CHSY3: variants seen among roughly 807,000 people sequenced by gnomAD.
CHSY3 encodes N-acetylgalactosaminyl-proteoglycan 3-beta-glucuronosyltransferase 3.
CHSY3 carries 35 observed loss-of-function variants against 67.2 expected under a neutral mutation model. The ratio of observed to expected loss-of-function variants is 0.52; its 90% confidence interval spans 0.40 to 0.69. The LOEUF is 0.69. CHSY3 is among the 30% of genes least tolerant of loss of function. The pLI is 0.00. For synonymous variants in CHSY3, 474 were observed against 434.7 expected, an observed-to-expected ratio of 1.09 and a Z score of -1.12; for missense variants, 1,069 against 1,138.5, an observed-to-expected ratio of 0.94 and a Z score of 0.88.
intron 2 of CHSY3, among the ~76,000 whole-genome samples, chr5:130,097,208 G>A (rs1267513747): frequency 6.6e-6 from 1 of 152,198 alleles, no homozygotes; most frequent in African/African-American, 2.4e-5. Flanking sequence ...GGGCCCCTAG[G>A]TAACCCACTG....
chr5:130,004,717 C>T (rs1202044164), intron 2 of CHSY3, among the ~76,000 whole-genome samples: 1 of 151,910 alleles, frequency 6.6e-6, no homozygotes, highest in East Asian at 1.9e-4. Context: ...CAAATGTTCA[C>T]AAGTGAATGA....
chr5:130,129,694 C>G (rs1001156454), intron 2 of CHSY3, among the ~76,000 whole-genome samples: 16 of 151,914 alleles, frequency 1.1e-4, no homozygotes, highest in Non-Finnish European at 5.9e-5. Flanking sequence ...AACAATGGAC[C>G]ATCTCTCAGA....
intron 2 of CHSY3, among the ~76,000 whole-genome samples, chr5:129,911,801 A>C (rs32230): frequency 0.18 from 27,950 of 152,174 alleles, 3,286 homozygotes; most frequent in East Asian, 0.31. Context: ...TCATGCCTGT[A>C]ATCCCAGCAC....
chr5:130,112,938 T>C (rs1767634193), intron 2 of CHSY3, among the ~76,000 whole-genome samples: 1 of 152,106 alleles, frequency 6.6e-6, no homozygotes, highest in Non-Finnish European at 1.5e-5. Context: ...TGATTAACAA[T>C]ATAATGCAGA....
chr5:130,069,566 G>C (rs1379325295), intron 2 of CHSY3, among the ~76,000 whole-genome samples: 1 of 151,820 alleles, frequency 6.6e-6, no homozygotes, highest in African/African-American at 2.4e-5. Context: ...TTTTTGACAT[G>C]CCATGGCCTA....
Position 129,905,038 on chromosome 5 carries a change from C to T in CHSY3, c.209C>T (p.Pro70Leu). 6.4e-7 allele frequency: 1 copy of T among 1,556,556 alleles called. No homozygotes were observed. Among genetic ancestry groups the T allele is most frequent in the South Asian group, 1.2e-5 (1 of 85,262 alleles). Residue 70 changes from proline to leucine, a missense_variant, in exon 1 of 3, where the codon CCA becomes CTA. Coordinates refer to ENST00000305031, the MANE Select transcript of CHSY3 (RefSeq NM_175856.5). ...CCGCTCCCCCAGCCCCAGTCCCGAC[C>T]ACGGCAGGAGCAGTCGCCGCCCCCC... Reference protein sequence around the residue: ...QQPLPQPQSRPRQEQSPPPAR... With the variant: ...QQPLPQPQSRLRQEQSPPPAR...
intron 2 of CHSY3, among the ~76,000 whole-genome samples, chr5:130,086,640 A>T (rs1165431955): frequency 6.6e-6 from 1 of 152,138 alleles, no homozygotes; most frequent in African/African-American, 2.4e-5. Flanking sequence ...ATTCCTCGAC[A>T]CATACACCCT....
intron 2 of CHSY3, among the ~76,000 whole-genome samples, chr5:129,919,983 G>A (rs958056991): frequency 6.6e-6 from 1 of 152,080 alleles, no homozygotes; most frequent in African/African-American, 2.4e-5. Flanking sequence ...TCTTAGTTAT[G>A]TTGAAATGTA....
chr5:130,103,604 C>T (rs1296899931), intron 2 of CHSY3, among the ~76,000 whole-genome samples: 1 of 151,834 alleles, frequency 6.6e-6, no homozygotes, highest in East Asian at 1.9e-4. Context: ...TCACTGTTGG[C>T]AGAAAAATAT....
intron 2 of CHSY3, among the ~76,000 whole-genome samples, chr5:129,926,671 T>C (rs1468123433): frequency 6.6e-6 from 1 of 151,928 alleles, no homozygotes; most frequent in Non-Finnish European, 1.5e-5. Context: ...TTAGCAAGAA[T>C]GTCTTCTGAC....
At chr5:130,065,524 C>G (rs1043210258) in intron 2 of CHSY3, among the ~76,000 whole-genome samples, 3 of 151,874 alleles carry the variant, frequency 2.0e-5, no homozygotes, top group Non-Finnish European at 2.9e-5. Context: ...TCTATGTGAC[C>G]CTTTCTATTC....
intron 2 of CHSY3, among the ~76,000 whole-genome samples, chr5:130,081,755 C>T (rs566828261): frequency 6.6e-6 from 1 of 152,168 alleles, no homozygotes; most frequent in South Asian, 2.1e-4. Flanking sequence ...TCCTCCTTCA[C>T]CTTCTGTGTG....
At chr5:129,909,712 C>A (rs1760464793) in intron 2 of CHSY3, among the ~76,000 whole-genome samples, 1 of 151,858 alleles carries the variant, frequency 6.6e-6, no homozygotes, top group Non-Finnish European at 1.5e-5. Flanking sequence ...AATATTTCTT[C>A]CTTTGTTATA....
chr5:129,995,599 G>T (rs192072871), intron 2 of CHSY3, among the ~76,000 whole-genome samples: 10 of 150,808 alleles, frequency 6.6e-5, no homozygotes, highest in African/African-American at 2.4e-4. Context: ...TAGTGCGCAT[G>T]TATTAAGGTT....
At chr5:130,183,618 G>A (rs1043169786) in intron 2 of CHSY3, among the ~76,000 whole-genome samples, 13 of 152,178 alleles carry the variant, frequency 8.5e-5, no homozygotes, top group African/African-American at 3.1e-4. Context: ...GTTGTTTTAT[G>A]TATAGCTAGA....
At chr5:129,938,561 C>T (rs146837463) in intron 2 of CHSY3, among the ~76,000 whole-genome samples, 1,711 of 152,256 alleles carry the variant, frequency 0.011, 39 homozygotes, top group African/African-American at 0.038. Context: ...GCAGCCAGGC[C>T]ACATCGTGAA....
At chr5:130,182,324 T>C (rs1296251378) in intron 2 of CHSY3, among the ~76,000 whole-genome samples, 1 of 152,150 alleles carries the variant, frequency 6.6e-6, no homozygotes, top group Non-Finnish European at 1.5e-5. Context: ...GTTTTCTTTG[T>C]CACTTTTCTG....
intron 2 of CHSY3, among the ~76,000 whole-genome samples, chr5:130,072,229 G>GCA (rs1766098090): frequency 6.6e-6 from 1 of 151,988 alleles, no homozygotes; most frequent in Non-Finnish European, 1.5e-5. Context: ...ATTGCCAAGA[G>GCA]CAATGTTTTG....
intron 2 of CHSY3, among the ~76,000 whole-genome samples, chr5:129,939,099 G>T (rs1761612124): frequency 6.6e-6 from 1 of 152,302 alleles, no homozygotes; most frequent in South Asian, 2.1e-4. Flanking sequence ...TTACAATCAT[G>T]CCAGAAGCTT....
Sources: allele counts gnomAD v4.1 joint callset (sites outside exome capture counted in the v4.1 genomes callset), GRCh38; gene constraint gnomAD v4.1.1; transcripts MANE v1.5; gene names NCBI Gene and HGNC (gene_info 2026-07-23, HGNC 2026-07-21).